Variants in ZFYVE28 observed in about 807,000 individuals in gnomAD.
ZFYVE28 encodes zinc finger FYVE-type containing 28, also known as lateral signaling target protein 2 homolog.
Under a neutral mutation model 82.1 loss-of-function variants are expected in ZFYVE28, and 40 were observed. The observed-to-expected ratio is 0.49, with a 90% CI of 0.38 to 0.63. ZFYVE28 has a LOEUF of 0.63. ZFYVE28 is among the 30% of genes least tolerant of loss of function. The probability of loss-of-function intolerance (pLI) is 0.00; values close to 1 mark genes in which losing one functional copy is unlikely to be tolerated. For missense variants in ZFYVE28, 1,321 were observed against 1,242.1 expected (o/e 1.06, Z -0.96); for synonymous variants, 612 against 546.1 (o/e 1.12, Z -1.68).
intron 1 of ZFYVE28, among the ~76,000 whole-genome samples, chr4:2,367,312 ACAAT>A (rs1726987430): frequency 6.6e-6 from 1 of 152,216 alleles, no homozygotes; most frequent in Admixed American, 6.5e-5. Context: ...TGCTAGGAAG[ACAAT>A]CAATTCCATT....
chr4:2,386,426 G>A (rs570954955), intron 1 of ZFYVE28, among the ~76,000 whole-genome samples: 1 of 152,042 alleles, frequency 6.6e-6, no homozygotes, highest in Non-Finnish European at 1.5e-5. Flanking sequence ...CGGAGGTTGC[G>A]GTGAGCTGAG....
chr4:2,374,876 G>GCTC (rs1264386137), intron 1 of ZFYVE28, among the ~76,000 whole-genome samples: 6 of 152,264 alleles, frequency 3.9e-5, no homozygotes, highest in African/African-American at 1.4e-4. Flanking sequence ...GCCACATTCG[G>GCTC]CTCCTCCTCG....
intron 7 of ZFYVE28, among the ~76,000 whole-genome samples, chr4:2,311,916 A>C (rs1717520932): frequency 6.6e-6 from 1 of 152,258 alleles, no homozygotes. Flanking sequence ...AGCTGGGACT[A>C]TAGGCGTGTG....
At chr4:2,363,799 C>T (rs999299914) in intron 1 of ZFYVE28, among the ~76,000 whole-genome samples, 16 of 152,250 alleles carry the variant, frequency 1.1e-4, no homozygotes, top group South Asian at 6.2e-4. Flanking sequence ...TGGTAATTAG[C>T]GAATCTGCTT....
At chr4:2,399,032 G>GGGGGAGATCCAGGGCACAAGCGTGGA (rs1553865353) in intron 1 of ZFYVE28, among the ~76,000 whole-genome samples, 7 of 50,342 alleles carry the variant, frequency 1.4e-4, no homozygotes, top group East Asian at 9.4e-4. Flanking sequence ...GCACAAGGTG[G>GGGGGAGATCCAGGGCACAAGCGTGGA]GGTGAGATCC....
At chr4:2,302,465 C>G (rs1308479141) in intron 8 of ZFYVE28, among the ~76,000 whole-genome samples, 1 of 152,200 alleles carries the variant, frequency 6.6e-6, no homozygotes, top group Non-Finnish European at 1.5e-5. Flanking sequence ...GCCCTAAGGA[C>G]AAAACAAAGA....
chr4:2,279,124 G>A (rs923918924), intron 8 of ZFYVE28, among the ~76,000 whole-genome samples: 9 of 152,180 alleles, frequency 5.9e-5, no homozygotes, highest in Non-Finnish European at 1.3e-4. Context: ...AGAAAGGAAC[G>A]CAGCACTTAT....
At chr4:2,271,514 G>T (rs1735906013) in intron 11 of ZFYVE28, 100 bp from the exon 12 acceptor site, 2 of 1,452,550 alleles carry the variant, frequency 1.4e-6, no homozygotes, top group Admixed American at 3.5e-5. Context: ...AGACTGCCAA[G>T]CCGCCTGGCC....
At chr4:2,410,312 C>T (rs1392300840) in intron 1 of ZFYVE28, among the ~76,000 whole-genome samples, 2 of 152,192 alleles carry the variant, frequency 1.3e-5, no homozygotes, top group Non-Finnish European at 2.9e-5. Context: ...GATCTGCTTT[C>T]TGTCTCAATG....
At chr4:2,382,123 A>G (rs1254934702) in intron 1 of ZFYVE28, among the ~76,000 whole-genome samples, 2 of 152,260 alleles carry the variant, frequency 1.3e-5, no homozygotes, top group East Asian at 1.9e-4. Context: ...CAGAGGATGC[A>G]TGGAAACACC....
At chr4:2,310,921 G>A (rs773591244) in intron 7 of ZFYVE28, among the ~76,000 whole-genome samples, 5 of 152,106 alleles carry the variant, frequency 3.3e-5, no homozygotes, top group Non-Finnish European at 7.4e-5. Context: ...AGCCATCTGT[G>A]TCTGATGTTT....
At chr4:2,381,884 G>A (rs1728763082) in intron 1 of ZFYVE28, among the ~76,000 whole-genome samples, 1 of 152,234 alleles carries the variant, frequency 6.6e-6, no homozygotes, top group Admixed American at 6.5e-5. Flanking sequence ...CAGAGGCCTA[G>A]GGGAAAATGG....
intron 6 of ZFYVE28, among the ~76,000 whole-genome samples, chr4:2,325,597 T>C (rs1719746413): frequency 6.7e-6 from 1 of 150,370 alleles, no homozygotes; most frequent in African/African-American, 2.4e-5. Context: ...TCTTACTTTT[T>C]TTTTTTTTTT....
At position 2,281,120 on chromosome 4, in the gene ZFYVE28, G is replaced by A. The variant is rs185759366; in HGVS notation, c.2052-6904C>T. Among the ~76,000 whole-genome samples the A allele has an allele frequency of 2.1e-3, 323 of 152,322 alleles. 3 individuals are homozygous for A. The highest frequency in any genetic ancestry group is 7.6e-3 in the African/African-American group (316 of 41,570). ...CCCTGGTTGGCTGGAAGCTCTGGTG[G>A]CGTGGGAGGGGGAATGGGTGGACAG... is the stretch of plus-strand genomic sequence containing the variant. On this transcript the variant is annotated intron_variant, in intron 8 of 12. Coordinates refer to ENST00000290974, the MANE Select transcript of ZFYVE28 (RefSeq NM_020972.3).
In ZFYVE28 at chr4:2,304,953, G is replaced by C. The variant is rs534718019; in HGVS notation, c.1387C>G (p.Leu463Val). ...EKEEDLSNNN[L>V]EAEGTDGASL... ...GCCCCATCTGTGCCCTCGGCCTCGAGATTGTTGTTGCTCAAGTCCTCCTCC... is the reference window on the plus strand; with the variant it reads ...GCCCCATCTGTGCCCTCGGCCTCGACATTGTTGTTGCTCAAGTCCTCCTCC... The change falls in exon 8 of 13, where the codon CTC (leucine) becomes GTC (valine). Residue 463 changes from leucine (L) to valine (V), a missense_variant. Around this residue, in one of 2 missense-constraint regions of ZFYVE28, gnomAD observed 978 missense variants for 833.7 expected, o/e 1.17. Transcript: ENST00000290974. 3.1e-6 allele frequency: 5 copies of C among 1,612,734 alleles called. No individual in the cohort carries two copies. In the South Asian group the frequency reaches 3.3e-5, roughly 11 times the overall value.
chr4:2,369,682 G>T (rs1232507046), intron 1 of ZFYVE28, among the ~76,000 whole-genome samples: 1 of 151,902 alleles, frequency 6.6e-6, no homozygotes, highest in African/African-American at 2.4e-5. Context: ...GGAGATCGGT[G>T]TGACGGGCCT....
chr4:2,370,831 CCTCT>C (rs1261394607), intron 1 of ZFYVE28, among the ~76,000 whole-genome samples: 3 of 152,224 alleles, frequency 2.0e-5, no homozygotes, highest in East Asian at 1.9e-4. Context: ...ATGCTGGGCG[CCTCT>C]CTGACTGCCC....
At chr4:2,404,865 T>TC (rs1560349346) in intron 1 of ZFYVE28, among the ~76,000 whole-genome samples, 4 of 145,736 alleles carry the variant, frequency 2.7e-5, no homozygotes, top group Non-Finnish European at 6.2e-5. Flanking sequence ...CTCTTTTTTT[T>TC]TTTTTTTTTT....
In ZFYVE28 at chr4:2,337,468, A is replaced by C; in HGVS notation, c.550T>G (p.Ser184Ala). 1 of 1,609,796 alleles carries C rather than the reference A, an allele frequency of 6.2e-7. No homozygotes were observed. Among genetic ancestry groups the C allele is most frequent in the Non-Finnish European group, 8.5e-7 (1 of 1,177,880 alleles). Reference protein sequence around the residue: ...SYVSAMVPVKSPREYYVQQEV... With the variant: ...SYVSAMVPVKAPREYYVQQEV... Reference sequence around the variant, plus strand: ...TGCTGCACGTAGTACTCCCTGGGGGACTTCACAGGCACCATGGCCGAGACG... The same window carrying C: ...TGCTGCACGTAGTACTCCCTGGGGGCCTTCACAGGCACCATGGCCGAGACG... The change falls in exon 5 of 13, where the codon TCC becomes GCC. Residue 184 changes from serine to alanine, a missense_variant. Ser to Ala is a moderately conservative substitution (Grantham distance 99, BLOSUM62 1). Transcript: ENST00000290974.
Sources: gnomAD v4.1 joint callset for allele counts (sites outside exome capture counted in the v4.1 genomes callset) on GRCh38, gnomAD v4.1.1 for gene constraint, gnomAD v4.1.1 regional missense constraint, MANE v1.5 for transcripts, NCBI Gene and HGNC (gene_info 2026-07-23, HGNC 2026-07-21) for gene names.